MALRD1: variants seen among roughly 807,000 people sequenced by gnomAD.
MALRD1 encodes MAM and LDL receptor class A domain containing 1.
In MALRD1, 247 loss-of-function variants were observed where a neutral mutation model predicts 242.1. The ratio of observed to expected loss-of-function variants is 1.02; its 90% CI spans 0.92 to 1.13. The LOEUF (loss-of-function observed/expected upper bound fraction) is 1.13, where lower values mean the gene tolerates loss of function less well. MALRD1 is among the 50% of genes most tolerant of loss of function. The pLI, the probability that MALRD1 is intolerant of heterozygous loss-of-function variation, is 0.00. For synonymous variants in MALRD1, 995 were observed against 866.6 expected (o/e 1.15, Z -2.60); for missense variants, 2,989 against 2,533.1 (o/e 1.18, Z -3.86).
chr10:19,393,048 A>C (rs1048076930), intron 28 of MALRD1, among the ~76,000 whole-genome samples: 6 of 152,314 alleles, frequency 3.9e-5, no homozygotes, highest in East Asian at 1.9e-4. Flanking sequence ...TGGATTGACT[A>C]TGACTTGAAC....
At chr10:19,596,574 C>T (rs1838109627) in intron 34 of MALRD1, among the ~76,000 whole-genome samples, 1 of 151,592 alleles carries the variant, frequency 6.6e-6, no homozygotes, top group African/African-American at 2.4e-5. Flanking sequence ...ACAAAAATAG[C>T]AATAGTAATA....
chr10:19,052,354 T>A (rs79820226), intron 1 of MALRD1, among the ~76,000 whole-genome samples: 10,932 of 152,246 alleles, frequency 0.072, 680 homozygotes, highest in African/African-American at 0.16. Context: ...ACTGTAAATG[T>A]TACTTTTTTT....
chr10:19,546,867 A>C (rs942410026), intron 32 of MALRD1, among the ~76,000 whole-genome samples: 4 of 152,136 alleles, frequency 2.6e-5, no homozygotes, highest in African/African-American at 9.7e-5. Flanking sequence ...AGTATAGGTA[A>C]GTGTGTGTTT....
At chr10:19,600,926 C>T (rs1480114616) in intron 34 of MALRD1, among the ~76,000 whole-genome samples, 2 of 151,918 alleles carry the variant, frequency 1.3e-5, no homozygotes, top group East Asian at 1.9e-4. Context: ...ACTCTTTTGC[C>T]CAGGTTGGAG....
chr10:19,346,139 T>C (rs1844110118), intron 24 of MALRD1, among the ~76,000 whole-genome samples: 1 of 152,092 alleles, frequency 6.6e-6, no homozygotes, highest in African/African-American at 2.4e-5. Flanking sequence ...TTGGTTTATT[T>C]TGCACCTTGA....
intron 32 of MALRD1, among the ~76,000 whole-genome samples, chr10:19,549,388 A>G (rs550781710): frequency 6.6e-6 from 1 of 152,304 alleles, no homozygotes; most frequent in East Asian, 1.9e-4. Context: ...CTTTTGAGCA[A>G]GAAAGTCGAT....
chr10:19,513,396 G>A, intron 31 of MALRD1, among the ~76,000 whole-genome samples: 1 of 151,518 alleles, frequency 6.6e-6, no homozygotes, highest in Admixed American at 6.6e-5. Flanking sequence ...TGCTTATACA[G>A]CTTGCAGAAC....
At chr10:19,528,273 TCAGA>T (rs754046735) in intron 31 of MALRD1, among the ~76,000 whole-genome samples, 3 of 152,180 alleles carry the variant, frequency 2.0e-5, no homozygotes, top group Non-Finnish European at 2.9e-5. Context: ...GCAATAATTC[TCAGA>T]CAAAGTTCCC....
chr10:19,280,068 C>G lies in MALRD1; in HGVS notation c.3101C>G (p.Pro1034Arg), dbSNP rs1054576379. 6.6e-7 allele frequency: 1 copy of G among 1,514,154 alleles called. No homozygotes were observed. The highest frequency in any genetic ancestry group is 1.4e-5 in the African/African-American group (1 of 71,156). The allele number at this position is 1,514,154 out of a possible 1,614,324, so 93.8% of individuals were successfully genotyped here. A position where few individuals can be genotyped will look rare whatever the true frequency, so the allele number is the denominator to read the frequency against. ...LYPGNLPADL[P>R]TPPETSVPVT... The stretch of plus-strand genomic sequence containing the variant: ...CAAGGTAATTTGCCAGCAGACCTCC[C>G]AACTCCACCAGAAACGTCAGTTCCT... Residue 1034 changes from proline to arginine, a missense_variant, in exon 20 of 40, where the codon CCA becomes CGA. Physicochemically the swap from Pro to Arg is moderately radical, Grantham distance 103 (BLOSUM62 -2). Coordinates refer to ENST00000454679, the MANE Select transcript of MALRD1 (RefSeq NM_001142308.3).
intron 32 of MALRD1, among the ~76,000 whole-genome samples, chr10:19,545,100 G>A (rs1048197996): frequency 3.3e-5 from 5 of 152,108 alleles, no homozygotes; most frequent in Admixed American, 6.6e-5. Context: ...TTCCTTGACT[G>A]GTCACTGGTC....
chr10:19,620,664 A>G (rs922949014), intron 36 of MALRD1, among the ~76,000 whole-genome samples: 6 of 152,064 alleles, frequency 3.9e-5, no homozygotes, highest in African/African-American at 1.4e-4. Flanking sequence ...CCGTGGGCCA[A>G]GAAAATAAAG....
intron 19 of MALRD1, among the ~76,000 whole-genome samples, chr10:19,279,021 A>C (rs1276003137): frequency 6.6e-6 from 1 of 152,132 alleles, no homozygotes; most frequent in African/African-American, 2.4e-5. Flanking sequence ...CACTGCACTC[A>C]CCAGACAATG....
rs917121197 is a variant in MALRD1 at position 19,389,755 on chromosome 10, T to A, written c.4845+146T>A. ...CCTGGACTCAAGCGATCCTCCTGCC[T>A]CTGCCTCCCGAATAACTGGGACTAC... On this transcript the variant is annotated intron_variant, in intron 28 of 39. Coordinates refer to ENST00000454679, the MANE Select transcript of MALRD1 (RefSeq NM_001142308.3). The A allele has an allele frequency of 2.9e-5, 23 of 790,552 alleles. No individual in the cohort carries two copies. In the African/African-American group the frequency reaches 3.5e-4, roughly 12 times the overall value. 49.0% of individuals were successfully genotyped at this position (790,552 alleles called of 1,614,324 possible).
chr10:19,559,337 T>A (rs911046906), intron 32 of MALRD1, among the ~76,000 whole-genome samples: 12 of 152,192 alleles, frequency 7.9e-5, no homozygotes, highest in Admixed American at 5.9e-4. Context: ...TTTAGCAATT[T>A]TATTAGTCTT....
intron 5 of MALRD1, among the ~76,000 whole-genome samples, chr10:19,114,106 G>A (rs1322956857): frequency 6.6e-6 from 1 of 152,156 alleles, no homozygotes; most frequent in Admixed American, 6.5e-5. Context: ...AGGGGAAGAT[G>A]TTTTTAACAG....
intron 18 of MALRD1, among the ~76,000 whole-genome samples, chr10:19,211,425 G>A (rs111763910): frequency 1.4e-4 from 22 of 151,956 alleles, no homozygotes; most frequent in African/African-American, 5.3e-4. Context: ...GCCTGAAAGG[G>A]GGCTCACACC....
At chr10:19,374,232 C>T (rs1248049599) in intron 26 of MALRD1, among the ~76,000 whole-genome samples, 2 of 152,062 alleles carry the variant, frequency 1.3e-5, no homozygotes, top group Non-Finnish European at 2.9e-5. Flanking sequence ...TGTAGAAATC[C>T]ATTTTCTTGT....
intron 36 of MALRD1, among the ~76,000 whole-genome samples, chr10:19,691,668 C>T (rs1376039383): frequency 6.6e-6 from 1 of 152,110 alleles, no homozygotes; most frequent in Non-Finnish European, 1.5e-5. Context: ...GTAACTTTCT[C>T]AAGACCATCC....
chr10:19,161,725 T>C lies in MALRD1; in HGVS notation c.1657-3912T>C, dbSNP rs945885221. On this transcript the variant is annotated intron_variant, in intron 12 of 39. Coordinates refer to ENST00000454679, the MANE Select transcript of MALRD1 (RefSeq NM_001142308.3). Reference sequence around the variant, plus strand: ...AGTAGCTACTAGCTACATAGAGCTATTGAGCATTTAAAACAACTGAGAGGC... The same window carrying C: ...AGTAGCTACTAGCTACATAGAGCTACTGAGCATTTAAAACAACTGAGAGGC... Among the ~76,000 whole-genome samples the C allele has an allele frequency of 5.9e-5, 9 of 152,130 alleles. No homozygotes were observed. In the East Asian group the frequency reaches 1.2e-3, roughly 20 times the overall value.
Sources: gnomAD v4.1 joint callset for allele counts (sites outside exome capture counted in the v4.1 genomes callset) on GRCh38, gnomAD v4.1.1 for gene constraint, MANE v1.5 for transcripts, NCBI Gene and HGNC (gene_info 2026-07-23, HGNC 2026-07-21) for gene names.